NCOA7: variants seen among roughly 807,000 people sequenced by gnomAD.
NCOA7 encodes 140 kDa estrogen receptor-associated protein.
NCOA7 carries 45 observed loss-of-function variants against 104.3 expected under a neutral mutation model. That is an observed-to-expected ratio of 0.43 (90% CI 0.34 to 0.55). The LOEUF (loss-of-function observed/expected upper bound fraction) is 0.55, where lower values mean the gene tolerates loss of function less well. Ranked by LOEUF, NCOA7 falls within the 20% of genes least tolerant of loss-of-function variation. The pLI, the probability that NCOA7 is intolerant of heterozygous loss-of-function variation, is 0.02. For synonymous variants in NCOA7, 398 were observed against 402.3 expected (o/e 0.99, Z 0.13); for missense variants, 1,041 against 1,119.7 (o/e 0.93, Z 1.00).
chr6:125,877,450 A>G (rs1783476916), intron 4 of NCOA7, among the ~76,000 whole-genome samples: 1 of 152,152 alleles, frequency 6.6e-6, no homozygotes, highest in African/African-American at 2.4e-5. Flanking sequence ...GTGACCTCCC[A>G]CTAGCAAGTC....
chr6:125,814,786 T>C (rs904173090), intron 1 of NCOA7, among the ~76,000 whole-genome samples: 3 of 152,158 alleles, frequency 2.0e-5, no homozygotes, highest in Non-Finnish European at 1.5e-5. Context: ...CCACATTTGC[T>C]CAAGTGGGAT....
intron 1 of NCOA7, among the ~76,000 whole-genome samples, chr6:125,814,342 G>T (rs138877416): frequency 6.6e-6 from 1 of 152,124 alleles, no homozygotes; most frequent in Admixed American, 6.5e-5. Flanking sequence ...TTTTGGTAGA[G>T]ATGTGGTTTC....
chr6:125,907,423 C>A (rs768332373), intron 10 of NCOA7, among the ~76,000 whole-genome samples: 9 of 152,222 alleles, frequency 5.9e-5, no homozygotes, highest in Non-Finnish European at 1.2e-4. Context: ...CAGAGCACAG[C>A]ACTGACGGGC....
intron 3 of NCOA7, among the ~76,000 whole-genome samples, chr6:125,874,500 C>T (rs1196221384): frequency 6.6e-6 from 1 of 152,076 alleles, no homozygotes; most frequent in African/African-American, 2.4e-5. Context: ...ATTACTGATT[C>T]AGAATGAACT....
intron 1 of NCOA7, among the ~76,000 whole-genome samples, chr6:125,803,329 T>C (rs1477526172): frequency 6.6e-6 from 1 of 152,228 alleles, no homozygotes; most frequent in Admixed American, 6.5e-5. Context: ...CTGATTATTT[T>C]ATGTAAATCT....
chr6:125,908,524 C>A (rs751017833), intron 10 of NCOA7, among the ~76,000 whole-genome samples: 1 of 152,200 alleles, frequency 6.6e-6, no homozygotes, highest in Non-Finnish European at 1.5e-5. Flanking sequence ...CACCCTAATT[C>A]ATCAGAGAAG....
At chr6:125,847,100 A>G (rs529438543) in intron 2 of NCOA7, among the ~76,000 whole-genome samples, 1 of 152,356 alleles carries the variant, frequency 6.6e-6, no homozygotes, top group East Asian at 1.9e-4. Flanking sequence ...TACATGGTAT[A>G]AAATTCAAAA....
chr6:125,895,489 T>C (rs1784931529), intron 10 of NCOA7, among the ~76,000 whole-genome samples: 1 of 152,212 alleles, frequency 6.6e-6, no homozygotes, highest in East Asian at 1.9e-4. Context: ...TGCAATTGGC[T>C]TTTTTCCCAC....
At chr6:125,807,106 C>G (rs1268081) in intron 1 of NCOA7, among the ~76,000 whole-genome samples, 8,419 of 152,086 alleles carry the variant, frequency 0.055, 763 homozygotes, top group African/African-American at 0.19. Context: ...ACTGAGCCAC[C>G]GACCTCTCTC....
At chr6:125,881,772 T>TAA (rs1242478250) in intron 6 of NCOA7, among the ~76,000 whole-genome samples, 1 of 146,674 alleles carries the variant, frequency 6.8e-6, no homozygotes. Flanking sequence ...CTCCTTTTTT[T>TAA]AAAAAAAAAA....
At position 125,922,832 on chromosome 6, in the gene NCOA7, C is replaced by A. The variant is rs1307075916; in HGVS notation, c.2521C>A (p.Gln841Lys). The part of the protein sequence containing the change: ...VLLVIKDMDN[Q>K]IFGAYATHPF... ...ATTGGTCATCAAAGATATGGATAATCAGGTGAGGCCTGTCCCTCTCATAAA... is the reference window on the plus strand; with the variant it reads ...ATTGGTCATCAAAGATATGGATAATAAGGTGAGGCCTGTCCCTCTCATAAA... The change falls in exon 13 of 16, where the codon CAG (glutamine) becomes AAG (lysine). Residue 841 changes from glutamine to lysine, a missense_variant and splice_region_variant. Gln to Lys is a moderately conservative substitution (Grantham distance 53). Around this residue, in one of 2 missense-constraint regions of NCOA7, gnomAD observed 127 missense variants for 177.0 expected, o/e 0.72. Coordinates refer to ENST00000392477, the MANE Select transcript of NCOA7 (RefSeq NM_181782.5). 6.2e-7 allele frequency: 1 copy of A among 1,613,496 alleles called. No individual in the cohort carries two copies. Among genetic ancestry groups the A allele is most frequent in the Non-Finnish European group, 8.5e-7 (1 of 1,179,842 alleles).
At chr6:125,921,268 GGC>G (rs2128696974) in intron 12 of NCOA7, among the ~76,000 whole-genome samples, 200 bp downstream of exon 12, 1 of 152,276 alleles carries the variant, frequency 6.6e-6, no homozygotes, top group East Asian at 1.9e-4. Context: ...AAATTGGCCG[GGC>G]GTGATGGCAC....
At chr6:125,791,428 C>T (rs187986682) in intron 1 of NCOA7, among the ~76,000 whole-genome samples, 31 of 152,326 alleles carry the variant, frequency 2.0e-4, no homozygotes, top group African/African-American at 6.5e-4. Flanking sequence ...TGTGTTTTTC[C>T]GGCTGGATTA....
intron 3 of NCOA7, among the ~76,000 whole-genome samples, chr6:125,868,937 A>T (rs951767465): frequency 5.3e-5 from 8 of 152,224 alleles, no homozygotes; most frequent in Non-Finnish European, 1.0e-4. Context: ...TAAAGAAAGA[A>T]GGGGCACATA....
intron 1 of NCOA7, among the ~76,000 whole-genome samples, chr6:125,796,126 C>T (rs1337919031): frequency 1.3e-5 from 2 of 152,026 alleles, no homozygotes; most frequent in East Asian, 3.9e-4. Context: ...ATGGAGCCTT[C>T]TGCATGAAAC....
At chr6:125,847,259 G>T (rs954514870) in intron 2 of NCOA7, among the ~76,000 whole-genome samples, 10 of 152,200 alleles carry the variant, frequency 6.6e-5, no homozygotes, top group Middle Eastern at 3.4e-3. Flanking sequence ...TATAGCTCTA[G>T]ATCAATATTG....
At chr6:125,822,104 G>A (rs988647827) in intron 2 of NCOA7, among the ~76,000 whole-genome samples, 2 of 152,162 alleles carry the variant, frequency 1.3e-5, no homozygotes, top group Non-Finnish European at 2.9e-5. Flanking sequence ...TTAATTAACT[G>A]TAGATTGTTT....
chr6:125,889,421 A>G lies in NCOA7; in HGVS notation c.1367A>G (p.Asn456Ser), dbSNP rs1784471048. ...ERKKAESQINNSAVEMQVQSA... is the reference protein window; with the variant it reads ...ERKKAESQINSSAVEMQVQSA... ...AAGAAAGCTGAGTCACAAATAAACA[A>G]TTCTGCCGTGGAAATGCAGGTGCAG... is the stretch of plus-strand genomic sequence containing the variant. The change falls in exon 9 of 16, where the codon AAT (asparagine) becomes AGT (serine). Residue 456 changes from asparagine to serine, a missense_variant. Physicochemically the swap from Asn to Ser is conservative, Grantham distance 46 (BLOSUM62 1). Around this residue, in one of 2 missense-constraint regions of NCOA7, gnomAD observed 914 missense variants for 942.7 expected, o/e 0.97. Coordinates refer to ENST00000392477, the MANE Select transcript of NCOA7 (RefSeq NM_181782.5). The G allele has an allele frequency of 1.2e-6, 2 of 1,614,018 alleles. No homozygotes were observed. The highest frequency in any genetic ancestry group is 1.7e-6 in the Non-Finnish European group (2 of 1,179,970).
At chr6:125,923,139 T>A (rs1217760706) in intron 13 of NCOA7, among the ~76,000 whole-genome samples, 1 of 152,188 alleles carries the variant, frequency 6.6e-6, no homozygotes, top group Non-Finnish European at 1.5e-5. Flanking sequence ...TATAATGATA[T>A]CCCACAGCCT....
Sources: allele counts gnomAD v4.1 joint callset (sites outside exome capture counted in the v4.1 genomes callset), GRCh38; gene constraint gnomAD v4.1.1; regional missense constraint gnomAD v4.1.1; transcripts MANE v1.5; gene names NCBI Gene and HGNC (gene_info 2026-07-23, HGNC 2026-07-21).